CCDC178: variants seen among roughly 807,000 people sequenced by gnomAD.
The protein encoded by CCDC178 is coiled-coil domain-containing protein 178.
CCDC178 carries 126 observed loss-of-function variants against 117.4 expected under a neutral mutation model. That is an observed-to-expected ratio of 1.07 (90% CI 0.93 to 1.24). The LOEUF is 1.24. Among genes scored for constraint, CCDC178 ranks in the 50% most tolerant of loss-of-function variants. CCDC178 has a pLI of 0.00. For missense variants in CCDC178, 1,030 were observed against 986.9 expected, an observed-to-expected ratio of 1.04 and a Z score of -0.59; for synonymous variants, 283 against 313.4, an observed-to-expected ratio of 0.90 and a Z score of 1.02.
At chr18:33,089,167 T>G (rs2057425460) in intron 21 of CCDC178, among the ~76,000 whole-genome samples, 1 of 152,124 alleles carries the variant, frequency 6.6e-6, no homozygotes, top group Non-Finnish European at 1.5e-5. Flanking sequence ...TCTATTTCAG[T>G]TGAGCACTAG....
chr18:33,109,277 C>G (rs1015944564), intron 20 of CCDC178, among the ~76,000 whole-genome samples: 2 of 151,558 alleles, frequency 1.3e-5, no homozygotes, highest in African/African-American at 2.4e-5. Context: ...ATAGATAACA[C>G]AAGGAGAATA....
Position 32,944,289 on chromosome 18 carries a change from C to T in CCDC178, c.2524-6198G>A, listed in dbSNP as rs1018700508. Among the ~76,000 whole-genome samples the T allele has an allele frequency of 3.3e-5, 5 of 152,050 alleles. No individual in the cohort carries two copies. The East Asian group carries it at 7.8e-4, about 24-fold the overall frequency. ...TAAGCTGGTCCTTGAAAGATGAGAC[C>T]GGAGATGGAAAAGCACGGATCTATT... On this transcript the variant is annotated intron_variant, in intron 22 of 22. Coordinates refer to ENST00000383096, the MANE Select transcript of CCDC178 (RefSeq NM_001105528.4).
chr18:33,245,883 G>A (rs1015994637), intron 14 of CCDC178, among the ~76,000 whole-genome samples: 23 of 151,800 alleles, frequency 1.5e-4, no homozygotes, highest in Non-Finnish European at 5.9e-5. Flanking sequence ...TTGTAGGTGG[G>A]ATGTCCTGTG....
chr18:33,287,164 TA>T (rs58649990), intron 12 of CCDC178, among the ~76,000 whole-genome samples: 124,848 of 151,540 alleles, frequency 0.82, 52,298 homozygotes, highest in South Asian at 0.92. Flanking sequence ...GCCTTGAAAT[TA>T]AAAAAAAAAT....
intron 20 of CCDC178, among the ~76,000 whole-genome samples, chr18:33,160,629 G>T (rs1016494877): frequency 2.0e-5 from 3 of 152,026 alleles, no homozygotes; most frequent in African/African-American, 7.2e-5. Flanking sequence ...TTGGTTCTGG[G>T]CTCGGGGTTT....
chr18:33,239,493 G>C (rs561778880), intron 15 of CCDC178, among the ~76,000 whole-genome samples: 1 of 148,224 alleles, frequency 6.7e-6, no homozygotes, highest in South Asian at 2.1e-4. Context: ...AAGACTGAAA[G>C]TGACGTGGTT....
intron 2 of CCDC178, among the ~76,000 whole-genome samples, chr18:33,432,478 TACACACAC>T (rs56111462): frequency 0.14 from 19,376 of 143,304 alleles, 1,280 homozygotes; most frequent in East Asian, 0.17. Context: ...GCCTTCTCCA[TACACACAC>T]ACACACACAC....
chr18:33,024,253 A>T (rs2056179947), intron 21 of CCDC178, among the ~76,000 whole-genome samples: 1 of 152,224 alleles, frequency 6.6e-6, no homozygotes, highest in Non-Finnish European at 1.5e-5. Flanking sequence ...TGGGTAGCTT[A>T]AACAACAGAA....
chr18:33,381,813 T>C (rs61008487), intron 5 of CCDC178, among the ~76,000 whole-genome samples: 1 of 152,124 alleles, frequency 6.6e-6, no homozygotes, highest in African/African-American at 2.4e-5. Context: ...TTTTATGTTG[T>C]ATTGTAAAAA....
intron 20 of CCDC178, among the ~76,000 whole-genome samples, chr18:33,131,219 C>T (rs1053547162): frequency 7.2e-5 from 11 of 151,782 alleles, no homozygotes; most frequent in African/African-American, 1.9e-4. Flanking sequence ...TTTAAACTAT[C>T]GATTACTGTA....
chr18:33,034,130 T>C (rs1277108189), intron 21 of CCDC178, among the ~76,000 whole-genome samples: 2 of 152,018 alleles, frequency 1.3e-5, no homozygotes, highest in African/African-American at 4.8e-5. Context: ...AGGCTCCTTT[T>C]CCCACACTTT....
chr18:32,979,440 T>G (rs891238138), intron 21 of CCDC178, among the ~76,000 whole-genome samples: 1 of 152,198 alleles, frequency 6.6e-6, no homozygotes, highest in South Asian at 2.1e-4. Context: ...ATTACAGGCA[T>G]GAGCCGCTGC....
intron 21 of CCDC178, among the ~76,000 whole-genome samples, chr18:33,022,122 T>C (rs1469233860): frequency 1.3e-5 from 2 of 152,172 alleles, no homozygotes; most frequent in East Asian, 1.9e-4. Flanking sequence ...TCTAGTATTC[T>C]CATAAAGGAG....
chr18:33,181,952 A>T (rs1302890739), intron 20 of CCDC178, among the ~76,000 whole-genome samples: 1 of 151,916 alleles, frequency 6.6e-6, no homozygotes. Flanking sequence ...GTAATAAGGG[A>T]ACATCATAAT....
rs530071492 is a variant in CCDC178 at position 33,317,141 on chromosome 18, G to A, written c.1022+6350C>T. Among the ~76,000 whole-genome samples the A allele has an allele frequency of 5.2e-4, 79 of 152,142 alleles. 1 individual carries two copies. The highest frequency in any genetic ancestry group is 1.7e-3 in the African/African-American group (70 of 41,474). The stretch of plus-strand genomic sequence containing the variant: ...CACACTGTGGAAGCTTTGTTCTTTC[G>A]CTCTTTGCAACAAATCTTGCTACTG... On this transcript the variant is annotated intron_variant, in intron 11 of 22. Coordinates refer to ENST00000383096, the MANE Select transcript of CCDC178 (RefSeq NM_001105528.4).
intron 2 of CCDC178, among the ~76,000 whole-genome samples, chr18:33,416,253 C>T (rs968078931): frequency 3.3e-5 from 5 of 152,098 alleles, no homozygotes; most frequent in Non-Finnish European, 7.4e-5. Flanking sequence ...CGGTGAAACC[C>T]CGTCTCTACT....
At chr18:32,970,381 T>C (rs1004120347) in intron 22 of CCDC178, among the ~76,000 whole-genome samples, 1 of 151,966 alleles carries the variant, frequency 6.6e-6, no homozygotes, top group Non-Finnish European at 1.5e-5. Flanking sequence ...TATATACAAT[T>C]TACTTTACAA....
intron 14 of CCDC178, among the ~76,000 whole-genome samples, chr18:33,261,472 G>C (rs2059750167): frequency 6.6e-6 from 1 of 152,208 alleles, no homozygotes; most frequent in South Asian, 2.1e-4. Flanking sequence ...ATATTATGTG[G>C]TCTTCTGGGT....
intron 20 of CCDC178, among the ~76,000 whole-genome samples, chr18:33,175,824 C>G (rs2144448365): frequency 6.6e-6 from 1 of 152,326 alleles, no homozygotes; most frequent in African/African-American, 2.4e-5. Flanking sequence ...TCCCTCTATT[C>G]TCTCTTTACT....
Sources: gnomAD v4.1 joint callset for allele counts (sites outside exome capture counted in the v4.1 genomes callset) on GRCh38, gnomAD v4.1.1 for gene constraint, MANE v1.5 for transcripts, NCBI Gene and HGNC (gene_info 2026-07-23, HGNC 2026-07-21) for gene names.